The following CSMD1 variants were observed in gnomAD, a reference collection of about 807,000 sequenced individuals.
The protein encoded by CSMD1 is CUB and Sushi multiple domains 1.
Under a neutral mutation model 417.5 loss-of-function variants are expected in CSMD1, and 213 were observed. The observed-to-expected ratio is 0.51, with a 90% CI of 0.46 to 0.57. The LOEUF (loss-of-function observed/expected upper bound fraction) is 0.57. Among genes scored for constraint, CSMD1 ranks in the 20% least tolerant of loss-of-function variants. The probability of loss-of-function intolerance (pLI) is 0.00; values close to 1 mark genes in which losing one functional copy is unlikely to be tolerated. For missense variants in CSMD1, 6,923 were observed against 4,529.7 expected, an observed-to-expected ratio of 1.53 and a Z score of -15.17; for synonymous variants, 2,862 against 1,736.8, an observed-to-expected ratio of 1.65 and a Z score of -16.11.
At chr8:3,200,641 A>G (rs938239486) in intron 32 of CSMD1, among the ~76,000 whole-genome samples, 2 of 151,954 alleles carry the variant, frequency 1.3e-5, no homozygotes, top group Non-Finnish European at 2.9e-5. Flanking sequence ...GTCTGTGTCA[A>G]GCAGTGGTGG....
At chr8:3,701,421 C>A (rs1198310052) in intron 7 of CSMD1, among the ~76,000 whole-genome samples, 4 of 152,048 alleles carry the variant, frequency 2.6e-5, no homozygotes, top group Non-Finnish European at 5.9e-5. Flanking sequence ...TGTCCCCGGG[C>A]TGAACCGAAG....
At chr8:3,874,536 T>A (rs1400112893) in intron 5 of CSMD1, among the ~76,000 whole-genome samples, 3 of 152,202 alleles carry the variant, frequency 2.0e-5, no homozygotes, top group Non-Finnish European at 2.9e-5. Context: ...ATTGAAGACA[T>A]ACAAGCAGCA....
At chr8:4,446,508 C>A (rs1412068354) in intron 2 of CSMD1, among the ~76,000 whole-genome samples, 2 of 152,162 alleles carry the variant, frequency 1.3e-5, no homozygotes, top group African/African-American at 4.8e-5. Flanking sequence ...GATCAGGCCA[C>A]TGCACTCCAG....
At chr8:4,423,500 C>G (rs925310661) in intron 2 of CSMD1, among the ~76,000 whole-genome samples, 1 of 151,698 alleles carries the variant, frequency 6.6e-6, no homozygotes, top group African/African-American at 2.4e-5. Flanking sequence ...TAAGATAAGC[C>G]CAACAGTGTA....
chr8:3,114,455 ATATT>A (rs914504882), intron 42 of CSMD1, among the ~76,000 whole-genome samples: 6 of 149,680 alleles, frequency 4.0e-5, no homozygotes, highest in Non-Finnish European at 8.9e-5. Context: ...TATAATATAT[ATATT>A]AATATAAAAA....
At chr8:4,190,679 A>G (rs1798971817) in intron 3 of CSMD1, among the ~76,000 whole-genome samples, 1 of 152,146 alleles carries the variant, frequency 6.6e-6, no homozygotes, top group African/African-American at 2.4e-5. Flanking sequence ...ATAACCAGAT[A>G]GATTTTTCAT....
chr8:4,362,093 A>G (rs1004702394), intron 3 of CSMD1, among the ~76,000 whole-genome samples: 1 of 152,150 alleles, frequency 6.6e-6, no homozygotes, highest in Non-Finnish European at 1.5e-5. Flanking sequence ...ATTGATATAC[A>G]AATGAGAACA....
chr8:4,862,432 T>C (rs1207508712), intron 1 of CSMD1, among the ~76,000 whole-genome samples: 1 of 152,034 alleles, frequency 6.6e-6, no homozygotes, highest in East Asian at 1.9e-4. Context: ...GAACTCTGTG[T>C]TGGGTAGAGG....
At chr8:3,755,309 G>A (rs971821123) in intron 5 of CSMD1, among the ~76,000 whole-genome samples, 3 of 152,144 alleles carry the variant, frequency 2.0e-5, no homozygotes, top group African/African-American at 4.8e-5. Flanking sequence ...AACTGGACAC[G>A]AAAATACCTG....
intron 3 of CSMD1, among the ~76,000 whole-genome samples, chr8:4,057,039 G>T (rs1278204960): frequency 3.3e-5 from 5 of 152,116 alleles, no homozygotes; most frequent in Admixed American, 1.3e-4. Flanking sequence ...ATAGTCCTTT[G>T]GGTATGTACC....
chr8:3,611,545 C>T (rs879153236), intron 8 of CSMD1, among the ~76,000 whole-genome samples: 2 of 151,888 alleles, frequency 1.3e-5, no homozygotes, highest in Non-Finnish European at 2.9e-5. Flanking sequence ...AAAATTTGAG[C>T]CCATGACAAA....
intron 2 of CSMD1, among the ~76,000 whole-genome samples, chr8:4,461,309 A>T (rs575083457): frequency 2.0e-5 from 3 of 152,118 alleles, no homozygotes; most frequent in South Asian, 2.1e-4. Context: ...TTTCTGCCTA[A>T]AATCAGCAAT....
At chr8:4,021,383 T>G (rs1440759307) in intron 4 of CSMD1, among the ~76,000 whole-genome samples, 1 of 152,244 alleles carries the variant, frequency 6.6e-6, no homozygotes, top group Non-Finnish European at 1.5e-5. Context: ...ATTTTTAACT[T>G]CATCTGTGGC....
intron 1 of CSMD1, among the ~76,000 whole-genome samples, chr8:4,816,065 G>T (rs769092852): frequency 6.6e-6 from 1 of 152,198 alleles, no homozygotes; most frequent in Non-Finnish European, 1.5e-5. Context: ...AACACAGCAG[G>T]ACTGGGTTTA....
At chr8:4,317,159 C>G (rs1352043240) in intron 3 of CSMD1, among the ~76,000 whole-genome samples, 1 of 152,070 alleles carries the variant, frequency 6.6e-6, no homozygotes, top group Non-Finnish European at 1.5e-5. Context: ...TCCCCAAATC[C>G]CTTGTAAAGT....
intron 3 of CSMD1, among the ~76,000 whole-genome samples, chr8:4,178,341 C>T (rs1403095908): frequency 6.6e-6 from 1 of 151,242 alleles, no homozygotes; most frequent in African/African-American, 2.4e-5. Context: ...ACATGATTAT[C>T]TCAATAGATG....
intron 11 of CSMD1, among the ~76,000 whole-genome samples, chr8:3,470,383 T>G (rs1188829989): frequency 1.3e-5 from 2 of 152,206 alleles, no homozygotes; most frequent in African/African-American, 2.4e-5. Context: ...ACACATGTGG[T>G]AGGTAGTACA....
chr8:3,872,920 G>A (rs930118253), intron 5 of CSMD1, among the ~76,000 whole-genome samples: 1 of 148,960 alleles, frequency 6.7e-6, no homozygotes, highest in African/African-American at 2.5e-5. Flanking sequence ...CTGAAAATAA[G>A]ACATACATGT....
intron 3 of CSMD1, among the ~76,000 whole-genome samples, chr8:4,114,458 T>C (rs147787002): frequency 1.3e-5 from 2 of 152,202 alleles, no homozygotes; most frequent in Non-Finnish European, 2.9e-5. Flanking sequence ...TGGACAGAGA[T>C]GCTTAAAGAG....
Sources: gnomAD v4.1 joint callset for allele counts (sites outside exome capture counted in the v4.1 genomes callset) on GRCh38, gnomAD v4.1.1 for gene constraint, MANE v1.5 for transcripts, NCBI Gene and HGNC (gene_info 2026-07-23, HGNC 2026-07-21) for gene names.